DOCK1: variants seen among roughly 807,000 people sequenced by gnomAD.
DOCK1 encodes the protein dedicator of cytokinesis 1.
DOCK1 carries 138 observed loss-of-function variants against 262.7 expected under a neutral mutation model. That is an observed-to-expected ratio of 0.53 (90% CI 0.46 to 0.61). DOCK1 has a LOEUF of 0.61. DOCK1 is among the 20% of genes least tolerant of loss of function. The probability of loss-of-function intolerance (pLI) is 0.00; values close to 1 mark genes in which losing one functional copy is unlikely to be tolerated. For synonymous variants in DOCK1, 866 were observed against 867.4 expected, an observed-to-expected ratio of 1.00 and a Z score of 0.03; for missense variants, 1,908 against 2,370.7, an observed-to-expected ratio of 0.80 and a Z score of 4.05.
At chr10:127,370,302 C>A (rs2065137754) in intron 33 of DOCK1, among the ~76,000 whole-genome samples, 5 of 152,136 alleles carry the variant, frequency 3.3e-5, no homozygotes, top group Admixed American at 2.0e-4. Context: ...CTTAGCAGAT[C>A]ATGTCCATAG....
At chr10:127,328,971 A>G (rs2135640467) in intron 29 of DOCK1, among the ~76,000 whole-genome samples, 1 of 151,764 alleles carries the variant, frequency 6.6e-6, no homozygotes, top group Admixed American at 6.6e-5. Flanking sequence ...TAACCACAAT[A>G]GAAAAGAAAA....
Position 126,912,674 on chromosome 10 carries a change from C to T in DOCK1, c.46+7111C>T, listed in dbSNP as rs112622983. Among the ~76,000 whole-genome samples the T allele has an allele frequency of 6.8e-3, 1,028 of 150,550 alleles. 14 individuals carry two copies. The highest frequency in any genetic ancestry group is 0.024 in the African/African-American group (972 of 40,880). ...CCGGGAGGCGGAGCTTGCAGTGAGC[C>T]GAGATCGCGCCACCGTACTCCAGCC... On this transcript the variant is annotated intron_variant, in intron 1 of 51. Transcript: ENST00000623213.
chr10:126,966,651 A>G (rs1445539188), intron 1 of DOCK1, among the ~76,000 whole-genome samples: 2 of 152,132 alleles, frequency 1.3e-5, no homozygotes, highest in Non-Finnish European at 2.9e-5. Context: ...TTTATAGACA[A>G]TCAGGAGACT....
chr10:127,175,724 C>G lies in DOCK1; in HGVS notation c.2847+47960C>G, dbSNP rs752251853. On this transcript the variant is annotated intron_variant, in intron 27 of 51. Transcript: ENST00000623213. This position sits in a 1 kb window ranked among gnomAD's most constrained non-coding sequence, Gnocchi z 6.3. ...CCCGGTCCTGCTTGGCCCTCCCGAGCAGCTGGTAATCGGGCTCTTCGGATG... is the reference window on the plus strand; with the variant it reads ...CCCGGTCCTGCTTGGCCCTCCCGAGGAGCTGGTAATCGGGCTCTTCGGATG... 10 of 1,614,066 alleles carry G rather than the reference C, an allele frequency of 6.2e-6. No individual in the cohort carries two copies. In the South Asian group the frequency reaches 1.1e-4, roughly 18 times the overall value.
chr10:126,934,599 C>G (rs887588635), intron 1 of DOCK1, among the ~76,000 whole-genome samples: 1 of 152,226 alleles, frequency 6.6e-6, no homozygotes, highest in East Asian at 1.9e-4. Flanking sequence ...TGGGCAATCT[C>G]TTTAAATCCA....
chr10:126,935,113 A>G (rs2034480169), intron 1 of DOCK1, among the ~76,000 whole-genome samples: 1 of 152,226 alleles, frequency 6.6e-6, no homozygotes, highest in Non-Finnish European at 1.5e-5. Flanking sequence ...GTCTCAAAAA[A>G]AGAGAGAAAT....
chr10:127,413,274 T>C (rs965641689), intron 43 of DOCK1, among the ~76,000 whole-genome samples: 2 of 152,214 alleles, frequency 1.3e-5, no homozygotes, highest in African/African-American at 4.8e-5. Flanking sequence ...CTTGACATTT[T>C]GAGCTATGCT....
chr10:127,004,607 C>T (rs551556202), intron 10 of DOCK1, among the ~76,000 whole-genome samples: 17 of 151,922 alleles, frequency 1.1e-4, no homozygotes, highest in East Asian at 9.8e-4. Flanking sequence ...GTTAGCTGGG[C>T]GCTTGGTGGC....
intron 23 of DOCK1, among the ~76,000 whole-genome samples, chr10:127,081,179 G>A (rs916089194): frequency 6.6e-6 from 1 of 152,164 alleles, no homozygotes; most frequent in Admixed American, 6.5e-5. Context: ...GGAAGGGACT[G>A]CTGGCGGTTT....
chr10:126,926,079 C>T lies in DOCK1; in HGVS notation c.46+20516C>T, dbSNP rs79514415. ...GTAGGGTGGGGATAAATAGTACTTG[C>T]TTCCTGTGACTGGAGAAAAGAGTGA... On this transcript the variant is annotated intron_variant, in intron 1 of 51. Coordinates refer to ENST00000623213, the MANE Select transcript of DOCK1 (RefSeq NM_001290223.2). Among the ~76,000 whole-genome samples the T allele has an allele frequency of 3.9e-3, 598 of 152,078 alleles. 7 individuals are homozygous for T. The highest frequency in any genetic ancestry group is 0.014 in the African/African-American group (579 of 41,470).
chr10:127,096,933 C>T (rs1044744157), intron 23 of DOCK1, among the ~76,000 whole-genome samples: 3 of 151,772 alleles, frequency 2.0e-5, no homozygotes, highest in South Asian at 2.1e-4. Context: ...GGTGAAACCC[C>T]GTCTCTACTA....
Position 127,442,435 on chromosome 10 carries a change from C to T in DOCK1, c.5260-1691C>T, listed in dbSNP as rs192993462. The stretch of plus-strand genomic sequence containing the variant: ...CCCCTCCTTTTTGGCTGGGTTAATA[C>T]GTTTTCTAATTACTCCTGCGTCAGA... On this transcript the variant is annotated intron_variant, in intron 49 of 51. Transcript: ENST00000623213. 1.2e-4 allele frequency among the ~76,000 whole-genome samples: 18 copies of T among 152,264 alleles called. 1 individual carries two copies. Among genetic ancestry groups the T allele is most frequent in the African/African-American group, 4.8e-5 (2 of 41,556 alleles).
At chr10:127,348,926 C>T (rs1002777914) in intron 31 of DOCK1, among the ~76,000 whole-genome samples, 3 of 152,126 alleles carry the variant, frequency 2.0e-5, no homozygotes, top group African/African-American at 7.2e-5. Context: ...TGTCTGTGCT[C>T]ATTTTTTTCA....
At position 127,228,348 on chromosome 10, in the gene DOCK1, C is replaced by T. The variant is rs1055914208; in HGVS notation, c.2848-19660C>T. On this transcript the variant is annotated intron_variant, in intron 27 of 51. Transcript: ENST00000623213. The stretch of plus-strand genomic sequence containing the variant: ...GTATGTGCGTCACCCCCACGCTGCC[C>T]GGCCCGGAGGTGGCTGGAAGTCTCA... 7.9e-5 allele frequency among the ~76,000 whole-genome samples: 12 copies of T among 152,146 alleles called. No individual in the cohort carries two copies. In the East Asian group the frequency reaches 9.7e-4, roughly 12 times the overall value.
chr10:127,322,435 C>T (rs2062576395), intron 29 of DOCK1, among the ~76,000 whole-genome samples: 2 of 151,974 alleles, frequency 1.3e-5, no homozygotes, highest in South Asian at 4.2e-4. Flanking sequence ...AGTGAACCAC[C>T]CATCTCAGCC....
chr10:127,380,681 G>A (rs920664442), intron 36 of DOCK1, among the ~76,000 whole-genome samples: 8 of 152,108 alleles, frequency 5.3e-5, no homozygotes, highest in African/African-American at 1.9e-4. Context: ...TACTTCTAAA[G>A]TCTCGTGTCA....
intron 51 of DOCK1, among the ~76,000 whole-genome samples, chr10:127,448,728 C>T (rs28675047): frequency 0.067 from 10,226 of 151,940 alleles, 506 homozygotes; most frequent in Non-Finnish European, 0.099. Flanking sequence ...ATTATATGGC[C>T]GCAAAACTCC....
intron 18 of DOCK1, 81 bp downstream of exon 18, chr10:127,032,401 G>T: frequency 7.1e-7 from 1 of 1,415,152 alleles, no homozygotes; most frequent in Non-Finnish European, 9.3e-7. Context: ...CTATGTGGAG[G>T]TGTGCTCCGT....
At chr10:127,072,042 C>T (rs2046263123) in intron 23 of DOCK1, among the ~76,000 whole-genome samples, 1 of 152,184 alleles carries the variant, frequency 6.6e-6, no homozygotes, top group Admixed American at 6.5e-5. Context: ...TGATCTTGTT[C>T]AGAGATCTCT....
Sources: allele counts gnomAD v4.1 joint callset (sites outside exome capture counted in the v4.1 genomes callset), GRCh38; gene constraint gnomAD v4.1.1; non-coding constraint Gnocchi (gnomAD v3.1); transcripts MANE v1.5; gene names NCBI Gene and HGNC (gene_info 2026-07-23, HGNC 2026-07-21).